GABRB1: variants seen among roughly 807,000 people sequenced by gnomAD.
GABRB1 encodes gamma-aminobutyric acid receptor subunit beta-1.
GABRB1 carries 17 observed loss-of-function variants against 51.6 expected under a neutral mutation model. The observed-to-expected ratio is 0.33, with a 90% confidence interval of 0.23 to 0.49. GABRB1 has a LOEUF of 0.49. Ranked by LOEUF, GABRB1 falls within the 20% of genes least tolerant of loss-of-function variation. GABRB1 has a pLI of 0.99. For synonymous variants in GABRB1, 247 were observed against 218.9 expected (o/e 1.13, Z -1.14); for missense variants, 410 against 600.6 (o/e 0.68, Z 3.32).
chr4:47,195,389 A>G (rs1159378787), intron 4 of GABRB1, among the ~76,000 whole-genome samples: 1 of 33,958 alleles, frequency 2.9e-5, no homozygotes, highest in Non-Finnish European at 8.0e-5. Flanking sequence ...AGATAGATAG[A>G]TAGATGATAG....
intron 3 of GABRB1, among the ~76,000 whole-genome samples, chr4:47,137,200 A>C (rs1560552475): frequency 6.6e-6 from 1 of 152,114 alleles, no homozygotes; most frequent in Non-Finnish European, 1.5e-5. Context: ...CAGGAAATGC[A>C]GTTGAAAGTG....
At chr4:47,155,071 A>G (rs892800897) in intron 3 of GABRB1, among the ~76,000 whole-genome samples, 3 of 152,098 alleles carry the variant, frequency 2.0e-5, no homozygotes, top group Non-Finnish European at 2.9e-5. Context: ...CCTGTGAAGC[A>G]ACTGCTCTTG....
chr4:47,392,163 G>T (rs919393045), intron 5 of GABRB1, among the ~76,000 whole-genome samples: 23 of 151,882 alleles, frequency 1.5e-4, no homozygotes, highest in Non-Finnish European at 2.5e-4. Context: ...TAACATGCTT[G>T]CAGTAGAGCA....
intron 4 of GABRB1, among the ~76,000 whole-genome samples, chr4:47,263,655 A>G (rs903835261): frequency 1.3e-5 from 2 of 152,214 alleles, no homozygotes; most frequent in Non-Finnish European, 1.5e-5. Flanking sequence ...CTCAATGACA[A>G]AACAAACAAA....
At chr4:47,086,589 A>G (rs549594337) in intron 3 of GABRB1, among the ~76,000 whole-genome samples, 9 of 152,328 alleles carry the variant, frequency 5.9e-5, no homozygotes, top group African/African-American at 2.2e-4. Context: ...GCAGGCATTA[A>G]AGTATCAATA....
intron 4 of GABRB1, among the ~76,000 whole-genome samples, chr4:47,291,823 C>A (rs1340563347): frequency 6.6e-6 from 1 of 152,098 alleles, no homozygotes; most frequent in African/African-American, 2.4e-5. Flanking sequence ...AATGCCTGTA[C>A]CCCCCACTGT....
chr4:47,348,866 G>A (rs950056262), intron 5 of GABRB1, among the ~76,000 whole-genome samples: 1 of 152,194 alleles, frequency 6.6e-6, no homozygotes, highest in African/African-American at 2.4e-5. Context: ...TGCTAGCTTG[G>A]ACCAGGTGGA....
intron 3 of GABRB1, among the ~76,000 whole-genome samples, chr4:47,061,428 G>A (rs2109528050): frequency 6.6e-6 from 1 of 152,254 alleles, no homozygotes; most frequent in East Asian, 1.9e-4. Context: ...GGCTGGTTGA[G>A]AATATTTATT....
intron 5 of GABRB1, among the ~76,000 whole-genome samples, chr4:47,335,193 A>G (rs1239234709): frequency 6.6e-6 from 1 of 151,830 alleles, no homozygotes; most frequent in African/African-American, 2.4e-5. Flanking sequence ...CCTCCTCTTT[A>G]CCTTCCTCCA....
chr4:47,225,198 G>A (rs1158356678), intron 4 of GABRB1, among the ~76,000 whole-genome samples: 1 of 152,074 alleles, frequency 6.6e-6, no homozygotes. Flanking sequence ...TAATGTTGGA[G>A]TGTTGAGGTA....
At chr4:47,106,108 C>T (rs1322520548) in intron 3 of GABRB1, among the ~76,000 whole-genome samples, 3 of 151,928 alleles carry the variant, frequency 2.0e-5, no homozygotes, top group Non-Finnish European at 4.4e-5. Flanking sequence ...TTTTTTGTTG[C>T]TATTCATTTA....
intron 3 of GABRB1, among the ~76,000 whole-genome samples, chr4:47,066,729 G>T (rs1727104950): frequency 6.6e-6 from 1 of 152,114 alleles, no homozygotes; most frequent in African/African-American, 2.4e-5. Flanking sequence ...TACATCTGTA[G>T]TCAATTCCTC....
chr4:47,065,254 C>G (rs1470287567), intron 3 of GABRB1, among the ~76,000 whole-genome samples: 2 of 152,172 alleles, frequency 1.3e-5, no homozygotes, highest in South Asian at 4.1e-4. Flanking sequence ...CAATAACAAC[C>G]CTTCTTAATA....
chr4:47,326,477 T>C (rs2109969569), intron 5 of GABRB1, among the ~76,000 whole-genome samples: 1 of 152,318 alleles, frequency 6.6e-6, no homozygotes, highest in African/African-American at 2.4e-5. Flanking sequence ...ATTGTTAATC[T>C]CATACTGTGC....
intron 1 of GABRB1, among the ~76,000 whole-genome samples, chr4:46,997,956 A>G (rs1724052265): frequency 1.3e-5 from 2 of 152,332 alleles, no homozygotes; most frequent in South Asian, 4.1e-4. Flanking sequence ...AGGGATTGCT[A>G]GGTCATCTGA....
intron 8 of GABRB1, among the ~76,000 whole-genome samples, chr4:47,412,967 G>T (rs563575832): frequency 6.6e-6 from 1 of 152,154 alleles, no homozygotes; most frequent in African/African-American, 2.4e-5. Flanking sequence ...CCTGGCTGGC[G>T]CCATGTTGCC....
At chr4:47,005,555 T>C (rs1292718407) in intron 1 of GABRB1, among the ~76,000 whole-genome samples, 3 of 151,750 alleles carry the variant, frequency 2.0e-5, no homozygotes, top group African/African-American at 4.8e-5. Context: ...CATTTGATGC[T>C]AAAAGAGAAA....
chr4:47,112,434 A>G (rs1430900811), intron 3 of GABRB1, among the ~76,000 whole-genome samples: 4 of 152,220 alleles, frequency 2.6e-5, no homozygotes, highest in Non-Finnish European at 5.9e-5. Context: ...TTGTGTTACT[A>G]TATAGCAGAA....
chr4:47,317,581 T>G (rs1182091020), intron 4 of GABRB1, among the ~76,000 whole-genome samples: 1 of 151,932 alleles, frequency 6.6e-6, no homozygotes, highest in African/African-American at 2.4e-5. Context: ...GAAAAAAAAT[T>G]TAATTAAACT....
Sources: gnomAD v4.1 joint callset for allele counts (sites outside exome capture counted in the v4.1 genomes callset) on GRCh38, gnomAD v4.1.1 for gene constraint, MANE v1.5 for transcripts, NCBI Gene and HGNC (gene_info 2026-07-23, HGNC 2026-07-21) for gene names.